The following NBEAL2 variants were observed in gnomAD, a reference collection of about 807,000 sequenced individuals.
The protein encoded by NBEAL2 is neurobeachin like 2, also known as neurobeachin-like protein 2.
In NBEAL2, 160 loss-of-function variants were observed where a neutral mutation model predicts 299.8. That is an observed-to-expected ratio of 0.53 (90% CI 0.47 to 0.61). The LOEUF (loss-of-function observed/expected upper bound fraction) is 0.61, where lower values mean the gene tolerates loss of function less well. NBEAL2 is among the 20% of genes least tolerant of loss of function. The pLI is 0.00. For synonymous variants in NBEAL2, 1,493 were observed against 1,542.3 expected (o/e 0.97, Z 0.75); for missense variants, 3,112 against 3,649.0 (o/e 0.85, Z 3.79).
chr3:46,988,565 G>A lies in NBEAL2; in HGVS notation c.52-104G>A. The A allele has an allele frequency of 2.1e-6, 2 of 941,572 alleles. No homozygotes were observed. The highest frequency in any genetic ancestry group is 3.3e-6 in the Non-Finnish European group (2 of 611,436). The allele number at this position is 941,572 out of a possible 1,614,324, so 58.3% of individuals were successfully genotyped here. ...CTTTAACCCCTTGTCCATGCCCTCT[G>A]TCCACCTCCATTCATTCTTCGCCTC... On this transcript the variant is annotated intron_variant, in intron 1 of 53. Coordinates refer to ENST00000450053, the MANE Select transcript of NBEAL2 (RefSeq NM_015175.3). This position sits in a 1 kb window ranked among gnomAD's most constrained non-coding sequence, Gnocchi z 4.4.
rs1349960745 is a variant in NBEAL2, at chr3:47,000,114, T to C, written c.4015T>C (p.Cys1339Arg). 2 of 1,612,934 alleles carry C rather than the reference T, an allele frequency of 1.2e-6. No individual in the cohort carries two copies. Among genetic ancestry groups the C allele is most frequent in the Non-Finnish European group, 1.7e-6 (2 of 1,179,680 alleles). Reference sequence around the variant, plus strand: ...TGTCTTCCTGCCCTCAGAGGCCCCCTGCCCTGACCCTGATGGCTTTTACCA... The same window carrying C: ...TGTCTTCCTGCCCTCAGAGGCCCCCCGCCCTGACCCTGATGGCTTTTACCA... ...SDVFLPSEAP[C>R]PDPDGFYHAL... The change falls in exon 27 of 54, where the codon TGC becomes CGC. Residue 1339 changes from cysteine to arginine, a missense_variant. Physicochemically the swap from Cys to Arg is radical, Grantham distance 180. This residue lies in a region of NBEAL2 where 2,243 missense variants were observed against 2,538.1 expected (regional missense o/e 0.88). Transcript: ENST00000450053. This position sits in a 1 kb window ranked among gnomAD's most constrained non-coding sequence, Gnocchi z 4.5.
chr3:46,982,449 CT>C lies in NBEAL2; in HGVS notation c.51+2538del, dbSNP rs1393086368. ...GTTTAGACCCACCCACCCCCTCCCC[CT>C]GGGGGCCCGGCTCAACTGGGGGCCT... is the stretch of plus-strand genomic sequence containing the variant. On this transcript the variant is annotated intron_variant, in intron 1 of 53. Coordinates refer to ENST00000450053, the MANE Select transcript of NBEAL2 (RefSeq NM_015175.3). This position sits in a 1 kb window ranked among gnomAD's most constrained non-coding sequence, Gnocchi z 4.2. Among the ~76,000 whole-genome samples, 2 of 152,272 alleles carry C rather than the reference CT, an allele frequency of 1.3e-5. No homozygotes were observed. The highest frequency in any genetic ancestry group is 1.9e-4 in the East Asian group (1 of 5,174).
rs768674246 is a variant in NBEAL2 at position 47,008,355 on chromosome 3, T to C, written c.7792T>C (p.Phe2598Leu). 4 of 1,613,724 alleles carry C rather than the reference T, an allele frequency of 2.5e-6. No homozygotes were observed. The South Asian group carries it at 3.3e-5, about 13-fold the overall frequency. Residue 2598 changes from phenylalanine to leucine, a missense_variant, in exon 51 of 54, where the codon TTC becomes CTC. Coordinates refer to ENST00000450053, the MANE Select transcript of NBEAL2 (RefSeq NM_015175.3). ...VAALRPLGAT[F>L]PGPIFHLALG... ...GGCACTACGGCCTCTGGGTGCCACA[T>C]TCCCTGGACCTATTTTCCACCTGGC...
chr3:47,000,952 C>G lies in NBEAL2; in HGVS notation c.4306-49C>G. 2 of 1,554,430 alleles carry G rather than the reference C, an allele frequency of 1.3e-6. No individual in the cohort carries two copies. Among genetic ancestry groups the G allele is most frequent in the Non-Finnish European group, 1.7e-6 (2 of 1,149,070 alleles). On this transcript the variant is annotated intron_variant, in intron 27 of 53. Transcript: ENST00000450053. This position sits in a 1 kb window ranked among gnomAD's most constrained non-coding sequence, Gnocchi z 4.5. ...TGGGTGGGCGTCAGCCTGATTCCCT[C>G]CCTTAGCCGCCCACAACCCACGCCC...
chr3:46,995,766 ACCCTGGTGG>A lies in NBEAL2; in HGVS notation c.1952_1960del (p.Thr651_Val654delinsMet). ...TGAGGCCTTCTTCACGGCGGCCGGG[ACCCTGGTGG>A]TGGCTGTGTGCACACGGAAGGAGTA... is the stretch of plus-strand genomic sequence containing the variant. On this transcript the variant is annotated inframe_deletion, in exon 14 of 54. Coordinates refer to ENST00000450053, the MANE Select transcript of NBEAL2 (RefSeq NM_015175.3). 1 of 1,613,680 alleles carries A rather than the reference ACCCTGGTGG, an allele frequency of 6.2e-7. No individual in the cohort carries two copies. Among genetic ancestry groups the A allele is most frequent in the Non-Finnish European group, 8.5e-7 (1 of 1,179,872 alleles).
chr3:47,001,438 G>A lies in NBEAL2; in HGVS notation c.4644G>A (p.Lys1548=). Residue 1548 remains lysine (K), a splice_region_variant and synonymous_variant, in exon 29 of 54, where the codon AAG becomes AAA. Coordinates refer to ENST00000450053, the MANE Select transcript of NBEAL2 (RefSeq NM_015175.3). The surrounding 1 kb of genome is among the most constrained non-coding windows in gnomAD (Gnocchi z 6.1). The part of the protein sequence containing the change: ...GHGNQELWSE[K]LFEGVCSLLD... ...GTAACCAGGAACTGTGGAGTGAGAA[G>A]GTGCGACCCCTCAGAGAGGCGTGAG... 1 of 1,611,948 alleles carries A rather than the reference G, an allele frequency of 6.2e-7. No homozygotes were observed. The highest frequency in any genetic ancestry group is 8.5e-7 in the Non-Finnish European group (1 of 1,179,600).
At position 46,997,574 on chromosome 3, in the gene NBEAL2, G is replaced by A. The variant is rs745707293; in HGVS notation, c.2838G>A (p.Glu946=). 5.6e-6 allele frequency: 9 copies of A among 1,597,926 alleles called. No individual in the cohort carries two copies. Among genetic ancestry groups the A allele is most frequent in the Non-Finnish European group, 7.7e-6 (9 of 1,168,252 alleles). The change falls in exon 20 of 54, where the codon GAG becomes GAA. Residue 946 remains glutamate, a synonymous_variant. Coordinates refer to ENST00000450053, the MANE Select transcript of NBEAL2 (RefSeq NM_015175.3). The stretch of plus-strand genomic sequence containing the variant: ...GATGGCTGGCAGAGGAACGGATGGA[G>A]AGGAACGCAGTGGCTGCTTTTCTGC... ...PLGKSSEERM[E]RNAVAAFLLM...
chr3:46,996,335 C>T lies in NBEAL2; in HGVS notation c.2216C>T (p.Pro739Leu), dbSNP rs1276718138. 8 of 1,612,018 alleles carry T rather than the reference C, an allele frequency of 5.0e-6. No individual in the cohort carries two copies. Among genetic ancestry groups the T allele is most frequent in the East Asian group, 2.2e-5 (1 of 44,874 alleles). Residue 739 changes from proline (P) to leucine (L), a missense_variant, in exon 16 of 54, where the codon CCC (proline) becomes CTC (leucine). Pro to Leu is a moderately conservative substitution (Grantham distance 98). This residue lies in a region of NBEAL2 where 2,243 missense variants were observed against 2,538.1 expected (regional missense o/e 0.88). Coordinates refer to ENST00000450053, the MANE Select transcript of NBEAL2 (RefSeq NM_015175.3). ...ACAACGACCACCACCACAGGGCTGC[C>T]CACACCACCAGTCCCCGCCACCCTG... is the stretch of plus-strand genomic sequence containing the variant. ...YRTTTTTTGL[P>L]TPPVPATLAY...
chr3:46,994,620 G>A lies in NBEAL2; in HGVS notation c.1296+67G>A, dbSNP rs1487135406. 2.9e-6 allele frequency: 4 copies of A among 1,357,378 alleles called. No homozygotes were observed. The African/African-American group carries it at 4.3e-5, about 15-fold the overall frequency. 84.1% of individuals were successfully genotyped at this position (1,357,378 alleles called of 1,614,324 possible). ...GAACTGAGTCAGGGTTACCACAGAT[G>A]GTGAGCTCTCCACCCTGGGGGACCG... On this transcript the variant is annotated intron_variant, in intron 12 of 53. Transcript: ENST00000450053.
intron 41 of NBEAL2, 21 bp from the exon 42 acceptor site, chr3:47,005,717 T>C: frequency 6.2e-7 from 1 of 1,612,914 alleles, no homozygotes; most frequent in Non-Finnish European, 8.5e-7. Flanking sequence ...GGGAGACAGC[T>C]GACCCAGTCC....
chr3:47,006,068 G>A lies in NBEAL2; in HGVS notation c.6919+5G>A, dbSNP rs777112236. Reference sequence around the variant, plus strand: ...TCTATTACTGCACCTATGAGGGTGGGCAGTGCGCTGGACTCCAGTCAGGGC... The same window carrying A: ...TCTATTACTGCACCTATGAGGGTGGACAGTGCGCTGGACTCCAGTCAGGGC... On this transcript the variant is annotated splice_donor_5th_base_variant and intron_variant, in intron 43 of 53. Transcript: ENST00000450053. 4 of 1,613,504 alleles carry A rather than the reference G, an allele frequency of 2.5e-6. No individual in the cohort carries two copies. Among genetic ancestry groups the A allele is most frequent in the Non-Finnish European group, 3.4e-6 (4 of 1,179,654 alleles).
chr3:47,007,339 G>A lies in NBEAL2; in HGVS notation c.7323G>A (p.Met2441Ile), dbSNP rs562595192. 1.8e-5 allele frequency: 29 copies of A among 1,606,800 alleles called. 1 individual carries two copies. The South Asian group carries it at 2.7e-4, about 15-fold the overall frequency. ...NYFSFSKDPT[M>I]GSHKTQRLLS... The stretch of plus-strand genomic sequence containing the variant: ...TCAGCTTCAGCAAAGACCCCACCAT[G>A]GGCAGCCACAAGTAGGACAGAGGGC... Residue 2441 changes from methionine (M) to isoleucine (I), a missense_variant, in exon 47 of 54, where the codon ATG becomes ATA. By Grantham distance (10) the Met-to-Ile change is conservative. Coordinates refer to ENST00000450053, the MANE Select transcript of NBEAL2 (RefSeq NM_015175.3).
At chr3:46,997,464 AG>A in intron 19 of NBEAL2, 31 bp downstream of exon 19, 4 of 1,598,970 alleles carry the variant, frequency 2.5e-6, no homozygotes, top group Non-Finnish European at 3.4e-6. Context: ...TGTTGTGGAG[AG>A]GGAATCTTGG....
At chr3:46,992,677 G>A in intron 10 of NBEAL2, 122 bp downstream of exon 10, 1 of 932,124 alleles carries the variant, frequency 1.1e-6, no homozygotes, top group African/African-American at 1.6e-5. Context: ...AGAAATGGGT[G>A]TGGGTCCTCC....
At chr3:46,992,201 G>T (rs923514557) in intron 9 of NBEAL2, among the ~76,000 whole-genome samples, 3 of 152,274 alleles carry the variant, frequency 2.0e-5, no homozygotes, top group South Asian at 2.1e-4. Context: ...TGGAAGGAAG[G>T]GAGCTGCTCT....
chr3:47,000,931 T>C lies in NBEAL2; in HGVS notation c.4306-70T>C. 1 of 1,542,174 alleles carries C rather than the reference T, an allele frequency of 6.5e-7. No individual in the cohort carries two copies. Among genetic ancestry groups the C allele is most frequent in the Non-Finnish European group, 8.8e-7 (1 of 1,140,920 alleles). On this transcript the variant is annotated intron_variant, in intron 27 of 53. Transcript: ENST00000450053. This position sits in a 1 kb window ranked among gnomAD's most constrained non-coding sequence, Gnocchi z 4.5. ...AGGAGGGGTGCTGAGTGGGGATGGG[T>C]GGGCGTCAGCCTGATTCCCTCCCTT...
In NBEAL2 at chr3:46,998,107, C is replaced by T; in HGVS notation, c.2999C>T (p.Ala1000Val). ...WAMDMNVLMS[A>V]QLLMEQVAAE... The stretch of plus-strand genomic sequence containing the variant: ...ATGGACATGAACGTGCTCATGTCCG[C>T]CCAGCTGCTGATGGAGCAGGTGGCA... Residue 1000 changes from alanine to valine, a missense_variant, in exon 21 of 54, where the codon GCC becomes GTC. Physicochemically the swap from Ala to Val is moderately conservative, Grantham distance 64. Around this residue, in one of 3 missense-constraint regions of NBEAL2, gnomAD observed 2,243 missense variants for 2,538.1 expected, o/e 0.88. Coordinates refer to ENST00000450053, the MANE Select transcript of NBEAL2 (RefSeq NM_015175.3). The T allele has an allele frequency of 1.3e-6, 2 of 1,582,500 alleles. No individual in the cohort carries two copies. The highest frequency in any genetic ancestry group is 1.7e-6 in the Non-Finnish European group (2 of 1,164,100).
intron 20 of NBEAL2, 26 bp from the exon 21 acceptor site, chr3:46,998,041 T>C (rs1312260907): frequency 6.5e-7 from 1 of 1,544,834 alleles, no homozygotes; most frequent in Admixed American, 2.0e-5. Context: ...GCCTGAGCCC[T>C]CACTCCAGCT....
chr3:47,002,488 T>A lies in NBEAL2; in HGVS notation c.5269T>A (p.Trp1757Arg), dbSNP rs761054884. 2 of 1,612,946 alleles carry A rather than the reference T, an allele frequency of 1.2e-6. No individual in the cohort carries two copies. Residue 1757 changes from tryptophan (W) to arginine (R), a missense_variant, in exon 32 of 54, where the codon TGG becomes AGG. Physicochemically the swap from Trp to Arg is moderately radical, Grantham distance 101 (BLOSUM62 -3). Transcript: ENST00000450053. ...MLMSSGQRRQ[W>R]ERAQSRRAFQ... ...TATGAGCAGTGGGCAGCGGCGCCAG[T>A]GGGAGCGCGCCCAGAGTCGTCGGGC...
Sources: gnomAD v4.1 joint callset for allele counts (sites outside exome capture counted in the v4.1 genomes callset) on GRCh38, gnomAD v4.1.1 for gene constraint, gnomAD v4.1.1 regional missense constraint, Gnocchi (gnomAD v3.1) non-coding constraint, MANE v1.5 for transcripts, NCBI Gene and HGNC (gene_info 2026-07-23, HGNC 2026-07-21) for gene names.